Variants in MAML3 observed in about 807,000 individuals in gnomAD.
MAML3 encodes the protein mastermind-like protein 3.
In MAML3, 27 loss-of-function variants were observed where a neutral mutation model predicts 101.9. The ratio of observed to expected loss-of-function variants is 0.27; its 90% confidence interval spans 0.20 to 0.37. The LOEUF (loss-of-function observed/expected upper bound fraction) is 0.37, where lower values mean the gene tolerates loss of function less well. MAML3 is among the 10% of genes least tolerant of loss of function. MAML3 has a pLI of 1.00. For missense variants in MAML3, 1,316 were observed against 1,444.9 expected (o/e 0.91, Z 1.45); for synonymous variants, 501 against 555.9 (o/e 0.90, Z 1.39).
intron 1 of MAML3, among the ~76,000 whole-genome samples, chr4:139,931,528 G>A (rs2110729353): frequency 6.6e-6 from 1 of 152,220 alleles, no homozygotes; most frequent in East Asian, 1.9e-4. Flanking sequence ...TGATGTTCTG[G>A]ATCGTATCCT....
intron 1 of MAML3, among the ~76,000 whole-genome samples, chr4:139,940,201 T>C (rs963509615): frequency 1.3e-4 from 20 of 152,180 alleles, no homozygotes; most frequent in African/African-American, 4.6e-4. Context: ...CTTCCTTTCT[T>C]CTCCTCTCCA....
At position 140,153,312 on chromosome 4, in the gene MAML3, C is replaced by G. The variant is rs1578713699; in HGVS notation, c.16G>C (p.Ala6Pro). The change falls in exon 1 of 5, where the codon GCC (alanine) becomes CCC (proline). Residue 6 changes from alanine (A) to proline (P), a missense_variant. Physicochemically the swap from Ala to Pro is conservative, Grantham distance 27. Transcript: ENST00000509479. MGDFAAPAAAANGSSI... is the reference protein window; with the variant it reads MGDFAPPAAAANGSSI... Reference sequence around the variant, plus strand: ...CTGCCATTCGCGGCAGCAGCGGGGGCTGCGAAATCCCCCATCCTGCTCCCC... The same window carrying G: ...CTGCCATTCGCGGCAGCAGCGGGGGGTGCGAAATCCCCCATCCTGCTCCCC... 5.0e-6 allele frequency: 8 copies of G among 1,594,550 alleles called. No homozygotes were observed. Among genetic ancestry groups the G allele is most frequent in the Non-Finnish European group, 6.8e-6 (8 of 1,169,622 alleles).
intron 1 of MAML3, among the ~76,000 whole-genome samples, chr4:139,960,850 G>A (rs938041720): frequency 2.0e-5 from 3 of 151,940 alleles, no homozygotes; most frequent in Non-Finnish European, 2.9e-5. Context: ...GGCTAAGAAA[G>A]AAGGAAGAGA....
At chr4:140,012,325 T>C (rs182416339) in intron 1 of MAML3, among the ~76,000 whole-genome samples, 192 of 152,366 alleles carry the variant, frequency 1.3e-3, no homozygotes, top group Non-Finnish European at 2.0e-3. Context: ...ATGAGTGTTA[T>C]AGGCTGTAGG....
At chr4:140,126,021 C>T (rs1158272571) in intron 1 of MAML3, among the ~76,000 whole-genome samples, 1 of 152,116 alleles carries the variant, frequency 6.6e-6, no homozygotes, top group Non-Finnish European at 1.5e-5. Context: ...CGTGATCCAC[C>T]CGCCTTGGCT....
At chr4:139,883,544 G>A (rs934478193) in intron 2 of MAML3, among the ~76,000 whole-genome samples, 12 of 152,304 alleles carry the variant, frequency 7.9e-5, no homozygotes, top group African/African-American at 2.9e-4. Flanking sequence ...AAGAGAAAGA[G>A]AGAGACTGTG....
At chr4:139,790,761 T>C (rs1730394541) in intron 2 of MAML3, among the ~76,000 whole-genome samples, 1 of 152,246 alleles carries the variant, frequency 6.6e-6, no homozygotes, top group Admixed American at 6.5e-5. Flanking sequence ...TTCCATCGTA[T>C]GTACATACCA....
At chr4:140,074,942 G>A (rs1009696410) in intron 1 of MAML3, among the ~76,000 whole-genome samples, 2 of 152,056 alleles carry the variant, frequency 1.3e-5, no homozygotes, top group African/African-American at 2.4e-5. Flanking sequence ...TTTAGAATTG[G>A]GTCCCAGTCC....
At chr4:139,941,447 G>T (rs1408831822) in intron 1 of MAML3, among the ~76,000 whole-genome samples, 1 of 152,164 alleles carries the variant, frequency 6.6e-6, no homozygotes, top group Non-Finnish European at 1.5e-5. Flanking sequence ...TGTTTATTAA[G>T]AAGTTGTCTT....
At chr4:139,743,802 G>A (rs533600562) in intron 2 of MAML3, among the ~76,000 whole-genome samples, 6 of 152,282 alleles carry the variant, frequency 3.9e-5, no homozygotes, top group South Asian at 4.2e-4. Flanking sequence ...AAAAAAGGTC[G>A]ACAAGGCCAA....
At chr4:139,912,987 A>G (rs1732960683) in intron 1 of MAML3, among the ~76,000 whole-genome samples, 1 of 152,264 alleles carries the variant, frequency 6.6e-6, no homozygotes, top group Non-Finnish European at 1.5e-5. Context: ...AGGTCATCCT[A>G]TGCCAAGGCC....
Position 139,725,805 on chromosome 4 carries a change from G to A in MAML3, c.2362C>T (p.His788Tyr), listed in dbSNP as rs777914326. 6.2e-7 allele frequency: 1 copy of A among 1,613,974 alleles called. No individual in the cohort carries two copies. Among genetic ancestry groups the A allele is most frequent in the Non-Finnish European group, 8.5e-7 (1 of 1,179,862 alleles). ...TATGGATTCCGCTGTGGCTGGAGGT[G>A]CTGCCGGGGTAGATGTGATTGCTGC... is the stretch of plus-strand genomic sequence containing the variant. ...QLQQSHLPRQ[H>Y]LQPQRNPYPV... is the part of the protein sequence containing the mutation. The change falls in exon 4 of 5, where the codon CAC becomes TAC. Residue 788 changes from histidine to tyrosine, a missense_variant. Physicochemically the swap from His to Tyr is moderately conservative, Grantham distance 83. Transcript: ENST00000509479.
intron 1 of MAML3, among the ~76,000 whole-genome samples, chr4:140,060,886 A>G (rs1727436403): frequency 1.3e-5 from 2 of 152,342 alleles, no homozygotes; most frequent in South Asian, 2.1e-4. Context: ...TACATATGCC[A>G]TTGGATTTCA....
chr4:140,089,329 G>A (rs1187562988), intron 1 of MAML3, among the ~76,000 whole-genome samples: 1 of 152,136 alleles, frequency 6.6e-6, no homozygotes, highest in African/African-American at 2.4e-5. Flanking sequence ...AAAAAGAATG[G>A]AAACCCCCCC....
intron 3 of MAML3, among the ~76,000 whole-genome samples, chr4:139,727,086 C>A (rs79487643): frequency 6.6e-6 from 1 of 152,156 alleles, no homozygotes; most frequent in African/African-American, 2.4e-5. Context: ...CACCTCTTAA[C>A]GCCTGTGTTT....
At chr4:139,769,492 G>A (rs1014346050) in intron 2 of MAML3, among the ~76,000 whole-genome samples, 2 of 152,110 alleles carry the variant, frequency 1.3e-5, no homozygotes, top group Non-Finnish European at 2.9e-5. Context: ...TATTTTGAGT[G>A]GTATATCTTA....
At chr4:139,928,063 C>CTG (rs1248472426) in intron 1 of MAML3, among the ~76,000 whole-genome samples, 1 of 152,124 alleles carries the variant, frequency 6.6e-6, no homozygotes, top group Non-Finnish European at 1.5e-5. Flanking sequence ...ATCTGTCTAT[C>CTG]TGTGTGTCTG....
chr4:140,043,033 A>G (rs1333307509), intron 1 of MAML3, among the ~76,000 whole-genome samples: 1 of 151,652 alleles, frequency 6.6e-6, no homozygotes, highest in Non-Finnish European at 1.5e-5. Flanking sequence ...TTTTAAAAAA[A>G]CAAAAAACAA....
At chr4:140,048,476 G>T (rs572068052) in intron 1 of MAML3, among the ~76,000 whole-genome samples, 1 of 152,306 alleles carries the variant, frequency 6.6e-6, no homozygotes, top group South Asian at 2.1e-4. Flanking sequence ...AACAGTGGGT[G>T]CCTTCACTAG....
Sources: allele counts gnomAD v4.1 joint callset (sites outside exome capture counted in the v4.1 genomes callset), GRCh38; gene constraint gnomAD v4.1.1; transcripts MANE v1.5; gene names NCBI Gene and HGNC (gene_info 2026-07-23, HGNC 2026-07-21).